GGA2: variants seen among roughly 807,000 people sequenced by gnomAD.
GGA2 encodes the protein ADP-ribosylation factor-binding protein GGA2.
A neutral mutation model predicts 79.5 loss-of-function variants in GGA2; 48 were observed. The ratio of observed to expected loss-of-function variants is 0.60; its 90% CI spans 0.48 to 0.77. The LOEUF (loss-of-function observed/expected upper bound fraction) is 0.77, where lower values mean the gene tolerates loss of function less well. Among genes scored for constraint, GGA2 ranks in the 30% least tolerant of loss-of-function variants. The pLI is 0.00. For synonymous variants in GGA2, 317 were observed against 302.0 expected, an observed-to-expected ratio of 1.05 and a Z score of -0.51; for missense variants, 770 against 774.0, an observed-to-expected ratio of 0.99 and a Z score of 0.06.
At chr16:23,510,497 G>T (rs1190874389), upstream of GGA2, 6 of 493,190 alleles carry the variant, frequency 1.2e-5, no homozygotes, top group African/African-American at 4.0e-5. Context: ...CTGACTGCGC[G>T]GCAGGAGCGG....
upstream of GGA2, among the ~76,000 whole-genome samples, chr16:23,514,720 TAAGCCACCATACC>T (rs1200396044): frequency 6.6e-6 from 1 of 152,168 alleles, no homozygotes; most frequent in African/African-American, 2.4e-5. Flanking sequence ...ACTACAGGCA[TAAGCCACCATACC>T]TGGTCTTAAC....
chr16:23,522,147 T>C (rs1965150089), upstream of GGA2: 1 of 224,478 alleles, frequency 4.5e-6, no homozygotes, highest in South Asian at 5.8e-5. Context: ...CCTTCTGTGG[T>C]CAACCACCTG....
intron 4 of GGA2, 64 bp from the exon 5 acceptor site, chr16:23,491,864 T>A: frequency 8.6e-7 from 1 of 1,165,522 alleles, no homozygotes; most frequent in Non-Finnish European, 1.3e-6. Flanking sequence ...ACACTTTAAC[T>A]AAAGAGGTAG....
chr16:23,485,753 G>A (rs888576902), intron 8 of GGA2, among the ~76,000 whole-genome samples: 1 of 152,078 alleles, frequency 6.6e-6, no homozygotes, highest in South Asian at 2.1e-4. Flanking sequence ...AAAAATAGAG[G>A]GTTATGTACT....
At chr16:23,516,693 TC>T (rs994711211) in intron 2 of GGA2, among the ~76,000 whole-genome samples, 1 of 152,050 alleles carries the variant, frequency 6.6e-6, no homozygotes, top group Non-Finnish European at 1.5e-5. Flanking sequence ...TGCCTGCCAC[TC>T]CCCACCTGGC....
intron 5 of GGA2, among the ~76,000 whole-genome samples, chr16:23,489,658 C>T (rs1292960382): frequency 6.6e-6 from 1 of 152,190 alleles, no homozygotes; most frequent in Non-Finnish European, 1.5e-5. Context: ...ATAGTAACAA[C>T]TAAGCTAGAA....
upstream of GGA2, chr16:23,522,902 T>C (rs891147626): frequency 6.6e-6 from 1 of 152,170 alleles, no homozygotes; most frequent in Non-Finnish European, 1.5e-5. Flanking sequence ...GATTGCACAC[T>C]CCCATGGCTA....
Position 23,479,901 on chromosome 16 carries a change from G to A in GGA2, c.1007-14C>T. On this transcript the variant is annotated splice_polypyrimidine_tract_variant and intron_variant, in intron 10 of 16. Transcript: ENST00000309859. ...GATTCTGAAAGACTAGAAAGCCCAG[G>A]GTTAGGAAGAGAAGTCAGTTGGACA... 6.2e-7 allele frequency: 1 copy of A among 1,613,492 alleles called. No homozygotes were observed. The highest frequency in any genetic ancestry group is 1.7e-4 in the Middle Eastern group (1 of 6,048).
intron 4 of GGA2, 71 bp from the exon 5 acceptor site, chr16:23,491,871 G>T: frequency 9.1e-7 from 1 of 1,095,940 alleles, no homozygotes; most frequent in South Asian, 1.3e-5. Flanking sequence ...AACTAAAGAG[G>T]TAGCTGCTGA....
chr16:23,480,724 C>T lies in GGA2; in HGVS notation c.927G>A (p.Leu309=). The part of the protein sequence containing the change: ...ANDLLTQGVL[L]YKQVMEGRVT... ...CCCGGCCCTCCATCACCTGTTTGTA[C>T]AGCAGAACTCCTTGGGTGAGGAGGT... The change falls in exon 10 of 17, where the codon CTG becomes CTA. Residue 309 remains leucine, a synonymous_variant. Transcript: ENST00000309859. 6.2e-7 allele frequency: 1 copy of T among 1,613,342 alleles called. No homozygotes were observed. The highest frequency in any genetic ancestry group is 8.5e-7 in the Non-Finnish European group (1 of 1,179,240).
At chr16:23,481,515 G>A (rs904201435) in intron 9 of GGA2, among the ~76,000 whole-genome samples, 8 of 152,010 alleles carry the variant, frequency 5.3e-5, no homozygotes, top group Non-Finnish European at 7.4e-5. Context: ...GTTCACGCCT[G>A]TAATCCCAGC....
chr16:23,508,496 TCTC>T (rs1370733501), intron 1 of GGA2, among the ~76,000 whole-genome samples: 3 of 152,088 alleles, frequency 2.0e-5, no homozygotes, highest in Non-Finnish European at 4.4e-5. Flanking sequence ...AGTTCTCTCT[TCTC>T]CTTCCTCATT....
At chr16:23,518,400 G>A (rs986565316) in intron 2 of GGA2, among the ~76,000 whole-genome samples, 2 of 151,494 alleles carry the variant, frequency 1.3e-5, no homozygotes, top group African/African-American at 4.9e-5. Flanking sequence ...TGTAAAGATG[G>A]GGGGGTTTCA....
intron 5 of GGA2, among the ~76,000 whole-genome samples, chr16:23,489,197 G>A (rs1298575769): frequency 6.6e-6 from 1 of 152,124 alleles, no homozygotes; most frequent in Non-Finnish European, 1.5e-5. Context: ...CACCCCCATC[G>A]TGACAACAAC....
intron 8 of GGA2, among the ~76,000 whole-genome samples, chr16:23,485,143 T>C (rs1288948534): frequency 2.6e-5 from 4 of 152,114 alleles, no homozygotes; most frequent in African/African-American, 9.7e-5. Flanking sequence ...AAAGCCCACG[T>C]ATTGTGCAAC....
chr16:23,516,984 G>A (rs1965107130), intron 2 of GGA2, among the ~76,000 whole-genome samples: 1 of 152,162 alleles, frequency 6.6e-6, no homozygotes, highest in Admixed American at 6.5e-5. Context: ...AAGGACCCTG[G>A]GTCCTCACTG....
At chr16:23,506,987 C>T (rs1964980592) in intron 1 of GGA2, among the ~76,000 whole-genome samples, 1 of 152,112 alleles carries the variant, frequency 6.6e-6, no homozygotes, top group Admixed American at 6.6e-5. Context: ...AGGGGCAGTT[C>T]CCCAATGGAA....
chr16:23,486,433 T>C lies in GGA2; in HGVS notation c.660+277A>G, dbSNP rs113419569. 3.1e-3 allele frequency among the ~76,000 whole-genome samples: 474 copies of C among 152,300 alleles called. 6 individuals are homozygous for C. Among genetic ancestry groups the C allele is most frequent in the African/African-American group, 0.011 (453 of 41,546 alleles). ...GATTCCTAAACCTGGACTTTGTCCA[T>C]ACCAATACCTGTTGCTGGGACCCAA... On this transcript the variant is annotated intron_variant, in intron 7 of 16. Coordinates refer to ENST00000309859, the MANE Select transcript of GGA2 (RefSeq NM_015044.4).
At chr16:23,506,669 T>C (rs1329613696) in intron 1 of GGA2, among the ~76,000 whole-genome samples, 6 of 152,040 alleles carry the variant, frequency 3.9e-5, no homozygotes, top group African/African-American at 1.2e-4. Context: ...CGTGCAAAGG[T>C]TGAGAAACCC....
Sources: gnomAD v4.1 joint callset for allele counts (sites outside exome capture counted in the v4.1 genomes callset) on GRCh38, gnomAD v4.1.1 for gene constraint, MANE v1.5 for transcripts, NCBI Gene and HGNC (gene_info 2026-07-23, HGNC 2026-07-21) for gene names.